The following MCM9 variants were observed in gnomAD, a reference collection of about 807,000 sequenced individuals.
The protein encoded by MCM9 is minichromosome maintenance 9 homologous recombination repair factor, also known as DNA helicase MCM9.
MCM9 carries 55 observed loss-of-function variants against 72.8 expected under a neutral mutation model. That is an observed-to-expected ratio of 0.76 (90% CI 0.61 to 0.95). The LOEUF is 0.95. MCM9 is among the 40% of genes least tolerant of loss of function. The probability of loss-of-function intolerance (pLI) is 0.00; values close to 1 mark genes in which losing one functional copy is unlikely to be tolerated. For synonymous variants in MCM9, 480 were observed against 503.4 expected, an observed-to-expected ratio of 0.95 and a Z score of 0.62; for missense variants, 1,279 against 1,377.0, an observed-to-expected ratio of 0.93 and a Z score of 1.13.
chr6:118,912,068 C>T (rs1780595263), intron 7 of MCM9: 1 of 180,590 alleles, frequency 5.5e-6, no homozygotes, highest in East Asian at 1.4e-4. Flanking sequence ...CTTGTAATCC[C>T]AGCATTTGGG....
Position 118,829,148 on chromosome 6 carries a change from GCCGAGGGCAATGTT to G in MCM9, c.1414_1427del (p.Asn472GlnfsTer8), listed in dbSNP as rs1774364729. On this transcript the variant is annotated frameshift_variant, in exon 10 of 14. Transcript: ENST00000619706. LOFTEE classifies it high-confidence loss of function. ...GGTCAAATCGACTTAAGAGTGGGCT[GCCGAGGGCAATGTT>G]CACAGACACGGACTCCTGGGGGTCG... 1.9e-6 allele frequency: 3 copies of G among 1,550,574 alleles called. No individual in the cohort carries two copies. The highest frequency in any genetic ancestry group is 2.6e-6 in the Non-Finnish European group (3 of 1,146,998).
At chr6:118,848,991 G>A (rs1254085079) in intron 9 of MCM9, among the ~76,000 whole-genome samples, 5 of 150,922 alleles carry the variant, frequency 3.3e-5, no homozygotes, top group African/African-American at 1.2e-4. Flanking sequence ...AAATAAAACC[G>A]TTGACACCAA....
chr6:118,887,999 T>C (rs1406779869), intron 8 of MCM9, among the ~76,000 whole-genome samples: 9 of 152,106 alleles, frequency 5.9e-5, no homozygotes, highest in Admixed American at 5.9e-4. Flanking sequence ...ACAGAAGATA[T>C]ACATAGGGCC....
intron 4 of MCM9, among the ~76,000 whole-genome samples, chr6:118,922,974 G>A (rs1781553912): frequency 7.0e-6 from 1 of 143,602 alleles, no homozygotes; most frequent in African/African-American, 2.6e-5. Context: ...AGAGGTTACA[G>A]TGAGTCAAGA....
chr6:118,856,684 G>T, intron 8 of MCM9, 139 bp from the exon 9 acceptor site: 1 of 874,752 alleles, frequency 1.1e-6, no homozygotes. Context: ...TTCGAGGCCT[G>T]CCTGGACAAC....
intron 9 of MCM9, among the ~76,000 whole-genome samples, chr6:118,851,271 A>G (rs1351102397): frequency 6.6e-6 from 1 of 151,810 alleles, no homozygotes; most frequent in Non-Finnish European, 1.5e-5. Flanking sequence ...TAGGCTACAA[A>G]TGAACTGTTC....
rs74206639 is a variant in MCM9 at position 118,843,654 on chromosome 6, ATG to A, written c.1325+12715_1325+12716del. ...AACAAAACAAAACATATATATATATATGTGTATATATATATGTATGTATATAT... is the reference window on the plus strand; with the variant it reads ...AACAAAACAAAACATATATATATATATGTATATATATATGTATGTATATAT... On this transcript the variant is annotated intron_variant, in intron 9 of 13. Coordinates refer to ENST00000619706, the MANE Select transcript of MCM9 (RefSeq NM_017696.3). Among the ~76,000 whole-genome samples the A allele has an allele frequency of 1.5e-4, 5 of 32,312 alleles. No individual in the cohort carries two copies. The East Asian group carries it at 2.0e-3, about 13-fold the overall frequency. The allele number at this position is 32,312 out of a possible 152,430, so 21.2% of individuals were successfully genotyped here. A position where few individuals can be genotyped will look rare whatever the true frequency, so the allele number is the denominator to read the frequency against.
intron 8 of MCM9, among the ~76,000 whole-genome samples, chr6:118,858,416 A>G (rs192055982): frequency 7.9e-5 from 12 of 152,298 alleles, no homozygotes; most frequent in Admixed American, 5.2e-4. Context: ...TAGTGATAAA[A>G]GACTGAATGT....
At chr6:118,876,797 A>G (rs1255522012) in intron 8 of MCM9, among the ~76,000 whole-genome samples, 1 of 152,218 alleles carries the variant, frequency 6.6e-6, no homozygotes. Flanking sequence ...TGCAAAACTC[A>G]GTAAGAAGTA....
intron 8 of MCM9, among the ~76,000 whole-genome samples, chr6:118,857,322 T>C (rs1776623388): frequency 6.6e-6 from 1 of 152,196 alleles, no homozygotes; most frequent in South Asian, 2.1e-4. Context: ...GTCTTGTTGA[T>C]TTTTATTTGT....
In MCM9 at chr6:118,915,816, C is replaced by T. The variant is rs1211578409; in HGVS notation, c.904+1745G>A. On this transcript the variant is annotated intron_variant, in intron 6 of 13. Transcript: ENST00000619706. ...GCTATCTTCCTACTTATATTTCTCA[C>T]AAGACTATTATATTTACTTCTGCCT... Among the ~76,000 whole-genome samples the T allele has an allele frequency of 3.3e-5, 5 of 152,200 alleles. No homozygotes were observed. The East Asian group carries it at 7.7e-4, about 23-fold the overall frequency.
chr6:118,867,269 A>T (rs1373903354), intron 8 of MCM9, among the ~76,000 whole-genome samples: 3 of 152,206 alleles, frequency 2.0e-5, no homozygotes, highest in African/African-American at 7.2e-5. Context: ...TGACATCAAC[A>T]GTGGTCCCAT....
intron 12 of MCM9, 35 bp from the exon 13 acceptor site, chr6:118,826,327 G>A: frequency 1.3e-6 from 2 of 1,539,140 alleles, no homozygotes; most frequent in Non-Finnish European, 1.8e-6. Context: ...AGAGTCACCA[G>A]GCCAGCCTGC....
intron 8 of MCM9, among the ~76,000 whole-genome samples, chr6:118,858,662 T>C (rs151201022): frequency 7.9e-4 from 120 of 152,250 alleles, no homozygotes; most frequent in African/African-American, 2.8e-3. Flanking sequence ...GTGGCAAGGC[T>C]GGAGGACACA....
Position 118,876,855 on chromosome 6 carries a change from T to C in MCM9, c.1151-20310A>G, listed in dbSNP as rs1034556379. On this transcript the variant is annotated intron_variant, in intron 8 of 13. Transcript: ENST00000619706. ...GAGCAAAAAAGTTTGAACAGTCCTT[T>C]CATAAAAGAAAATATACACATGGCA... 3.3e-5 allele frequency among the ~76,000 whole-genome samples: 5 copies of C among 152,168 alleles called. No individual in the cohort carries two copies. The South Asian group carries it at 1.0e-3, about 32-fold the overall frequency.
chr6:118,907,800 A>AT, intron 8 of MCM9: 1 of 524,196 alleles, frequency 1.9e-6, no homozygotes, highest in Non-Finnish European at 3.4e-6. Flanking sequence ...TTTTTAAGTA[A>AT]TTTTTTTCTC....
intron 13 of MCM9, among the ~76,000 whole-genome samples, chr6:118,823,587 T>A (rs961098270): frequency 1.3e-5 from 2 of 152,188 alleles, no homozygotes; most frequent in African/African-American, 4.8e-5. Context: ...TTCCCTTTGG[T>A]CATGAGGGAG....
chr6:118,917,960 A>G, intron 5 of MCM9, 199 bp from the exon 6 acceptor site: 2 of 570,022 alleles, frequency 3.5e-6, no homozygotes, highest in East Asian at 2.8e-5. Context: ...ATGTATCTGT[A>G]AAGTGAAAAG....
Position 118,826,948 on chromosome 6 carries a change from T to C in MCM9, c.1733-84A>G, listed in dbSNP as rs1429919679. ...CTAACTTCCTCCTCCTCACCATTTG[T>C]ATTTTATGAATGAGCTATTAATAAC... On this transcript the variant is annotated intron_variant, in intron 11 of 13. Transcript: ENST00000619706. 3.7e-6 allele frequency: 4 copies of C among 1,073,312 alleles called. No individual in the cohort carries two copies. The East Asian group carries it at 1.0e-4, about 28-fold the overall frequency. 66.5% of individuals were successfully genotyped at this position (1,073,312 alleles called of 1,614,324 possible).
Sources: allele counts gnomAD v4.1 joint callset (sites outside exome capture counted in the v4.1 genomes callset), GRCh38; gene constraint gnomAD v4.1.1; transcripts MANE v1.5; gene names NCBI Gene and HGNC (gene_info 2026-07-23, HGNC 2026-07-21).